Variants in ANLN observed in about 807,000 individuals in gnomAD.
The protein encoded by ANLN is anillin.
Under a neutral mutation model 135.1 loss-of-function variants are expected in ANLN, and 59 were observed. That is an observed-to-expected ratio of 0.44 (90% CI 0.35 to 0.54). The LOEUF is 0.54. Among genes scored for constraint, ANLN ranks in the 20% least tolerant of loss-of-function variants. The probability of loss-of-function intolerance (pLI) is 0.00; values close to 1 mark genes in which losing one functional copy is unlikely to be tolerated. For missense variants in ANLN, 1,182 were observed against 1,340.0 expected (o/e 0.88, Z 1.84); for synonymous variants, 406 against 456.4 (o/e 0.89, Z 1.41).
rs776001499 is a variant in ANLN at position 36,415,775 on chromosome 7, C to T, written c.1413C>T (p.Ser471=). 1.9e-6 allele frequency: 3 copies of T among 1,601,452 alleles called. No homozygotes were observed. The highest frequency in any genetic ancestry group is 1.8e-5 in the Admixed American group (1 of 56,964). ...TTTTGCAGGAAACTCACTGTCAGAG[C>T]ACTCCCCTCAAAAAACACCAAGGTG... The part of the protein sequence containing the change: ...LETKQETHCQ[S]TPLKKHQGVS... Residue 471 remains serine (S), a synonymous_variant, in exon 8 of 24, where the codon AGC becomes AGT. Transcript: ENST00000265748.
At position 36,419,273 on chromosome 7, in the gene ANLN, G is replaced by T; in HGVS notation, c.1663G>T (p.Asp555Tyr). 1.9e-6 allele frequency: 3 copies of T among 1,613,226 alleles called. No individual in the cohort carries two copies. Among genetic ancestry groups the T allele is most frequent in the Non-Finnish European group, 2.5e-6 (3 of 1,179,316 alleles). ...GATACGTGAAATTGAGATGAGTGTG[G>T]ATGATGATGATATCAATAGTTCGAA... is the stretch of plus-strand genomic sequence containing the variant. ...EVIREIEMSV[D>Y]DDDINSSKVI... is the part of the protein sequence containing the mutation. Residue 555 changes from aspartate to tyrosine, a missense_variant, in exon 10 of 24, where the codon GAT becomes TAT. Asp to Tyr is a radical substitution (Grantham distance 160). Around this residue, in one of 3 missense-constraint regions of ANLN, gnomAD observed 1,022 missense variants for 1,134.0 expected, o/e 0.90. Coordinates refer to ENST00000265748, the MANE Select transcript of ANLN (RefSeq NM_018685.5).
intron 22 of ANLN, among the ~76,000 whole-genome samples, chr7:36,447,766 T>G (rs975089771): frequency 6.6e-6 from 1 of 152,182 alleles, no homozygotes; most frequent in Admixed American, 6.5e-5. Context: ...TGGCAGGAGA[T>G]TACATCATGC....
chr7:36,399,213 C>G lies in ANLN; in HGVS notation c.307C>G (p.Pro103Ala), dbSNP rs1786835464. The change falls in exon 3 of 24, where the codon CCT (proline) becomes GCT (alanine). Residue 103 changes from proline to alanine, a missense_variant. This residue lies in a region of ANLN where 1,022 missense variants were observed against 1,134.0 expected (regional missense o/e 0.90). Transcript: ENST00000265748. ...AKSCSPSPVSPQVQPQAADTI... is the reference protein window; with the variant it reads ...AKSCSPSPVSAQVQPQAADTI... The stretch of plus-strand genomic sequence containing the variant: ...ATCTTGTTCTCCAAGTCCTGTGTCT[C>G]CTCAGGTGCAGCCACAAGCAGCAGA... The G allele has an allele frequency of 1.9e-6, 3 of 1,614,130 alleles. No homozygotes were observed. Among genetic ancestry groups the G allele is most frequent in the Non-Finnish European group, 2.5e-6 (3 of 1,180,024 alleles).
At position 36,452,573 on chromosome 7, in the gene ANLN, T is replaced by C; in HGVS notation, c.3348T>C (p.Ala1116=). 1 of 1,614,068 alleles carries C rather than the reference T, an allele frequency of 6.2e-7. No homozygotes were observed. The highest frequency in any genetic ancestry group is 2.2e-5 in the East Asian group (1 of 44,872). The part of the protein sequence containing the change: ...LVDIRLWQPD[A]CYKPIGKP ...ATATTCGCCTCTGGCAACCTGATGCTTGCTACAAACCTATTGGAAAGCCTT... is the reference window on the plus strand; with the variant it reads ...ATATTCGCCTCTGGCAACCTGATGCCTGCTACAAACCTATTGGAAAGCCTT... Residue 1116 remains alanine (A), a synonymous_variant, in exon 24 of 24, where the codon GCT becomes GCC. Coordinates refer to ENST00000265748, the MANE Select transcript of ANLN (RefSeq NM_018685.5).
rs1179286173 is a variant in ANLN, at chr7:36,407,962, G to A, written c.1096+6G>A. The A allele has an allele frequency of 1.2e-6, 2 of 1,601,504 alleles. No homozygotes were observed. Among genetic ancestry groups the A allele is most frequent in the South Asian group, 1.1e-5 (1 of 89,436 alleles). ...AGACAAATCTACGACACCAGGTTAC[G>A]TATTTATAAAAAATTTAGTTATTGC... On this transcript the variant is annotated splice_donor_region_variant and intron_variant, in intron 5 of 23. Transcript: ENST00000265748.
At chr7:36,447,628 G>GT (rs992787988) in intron 22 of ANLN, among the ~76,000 whole-genome samples, 1 of 151,750 alleles carries the variant, frequency 6.6e-6, no homozygotes, top group African/African-American at 2.4e-5. Flanking sequence ...GGGTTTCACC[G>GT]TGTTAGCCAG....
chr7:36,416,905 G>T (rs769378114), intron 8 of ANLN, among the ~76,000 whole-genome samples, 175 bp from the exon 9 acceptor site: 2 of 151,220 alleles, frequency 1.3e-5, no homozygotes, highest in Non-Finnish European at 2.9e-5. Flanking sequence ...AGCATAAATG[G>T]GTTAAGAGAG....
chr7:36,446,404 A>G (rs1788999832), intron 22 of ANLN, among the ~76,000 whole-genome samples: 1 of 152,150 alleles, frequency 6.6e-6, no homozygotes, highest in African/African-American at 2.4e-5. Context: ...CTATGAAGAA[A>G]TACCCAAGAC....
In ANLN at chr7:36,424,599, C is replaced by G; in HGVS notation, c.2652+6C>G. ...ATATTGAAGTTTACAGCTTGGTAAGCTGATAAAGCCTTCTAAAATAATGAA... is the reference window on the plus strand; with the variant it reads ...ATATTGAAGTTTACAGCTTGGTAAGGTGATAAAGCCTTCTAAAATAATGAA... On this transcript the variant is annotated splice_donor_region_variant and intron_variant, in intron 16 of 23. Coordinates refer to ENST00000265748, the MANE Select transcript of ANLN (RefSeq NM_018685.5). 6.3e-7 allele frequency: 1 copy of G among 1,597,956 alleles called. No individual in the cohort carries two copies. The highest frequency in any genetic ancestry group is 8.5e-7 in the Non-Finnish European group (1 of 1,171,732).
chr7:36,430,399 A>G (rs945133745), intron 20 of ANLN, among the ~76,000 whole-genome samples: 3 of 152,132 alleles, frequency 2.0e-5, no homozygotes, highest in Admixed American at 2.0e-4. Flanking sequence ...GGCTATTCAG[A>G]TCTGATTTAA....
At chr7:36,427,497 A>G (rs1788133991) in intron 20 of ANLN, among the ~76,000 whole-genome samples, 1 of 151,904 alleles carries the variant, frequency 6.6e-6, no homozygotes, top group Non-Finnish European at 1.5e-5. Context: ...GACTACAGGC[A>G]CGTGATGCCA....
Position 36,409,171 on chromosome 7 carries a change from A to G in ANLN, c.1096+1215A>G, listed in dbSNP as rs188549755. Among the ~76,000 whole-genome samples, 96 of 152,358 alleles carry G rather than the reference A, an allele frequency of 6.3e-4. No individual in the cohort carries two copies. In the East Asian group the frequency reaches 8.9e-3, roughly 14 times the overall value. ...AAAGACTTAAGCTTAGATAAGAGGCATTCTTTTTAATTGTTCTTGGCTACT... is the reference window on the plus strand; with the variant it reads ...AAAGACTTAAGCTTAGATAAGAGGCGTTCTTTTTAATTGTTCTTGGCTACT... On this transcript the variant is annotated intron_variant, in intron 5 of 23. Transcript: ENST00000265748.
Position 36,426,017 on chromosome 7 carries a change from A to G in ANLN, c.2751A>G (p.Lys917=). 1 of 1,519,446 alleles carries G rather than the reference A, an allele frequency of 6.6e-7. No homozygotes were observed. The highest frequency in any genetic ancestry group is 8.8e-7 in the Non-Finnish European group (1 of 1,133,524). 94.1% of individuals were successfully genotyped at this position (1,519,446 alleles called of 1,614,324 possible). ...CACACCTTTTTTTTTTTTTTTAGAA[A>G]AGCAACATTCATTCTTCAGGTGAGT... is the stretch of plus-strand genomic sequence containing the variant. ...PKRLLTSITT[K]SNIHSSVMAS... Residue 917 remains lysine (K), a splice_region_variant and synonymous_variant, in exon 19 of 24, where the codon AAA becomes AAG. Coordinates refer to ENST00000265748, the MANE Select transcript of ANLN (RefSeq NM_018685.5).
intron 3 of ANLN, among the ~76,000 whole-genome samples, chr7:36,400,543 T>G (rs565684673): frequency 5.9e-5 from 9 of 152,184 alleles, no homozygotes; most frequent in African/African-American, 1.9e-4. Context: ...TTGTATCTTT[T>G]GGTAGAGATG....
At chr7:36,425,971 A>T in intron 18 of ANLN, 44 bp from the exon 19 acceptor site, 1 of 1,432,224 alleles carries the variant, frequency 7.0e-7, no homozygotes, top group Non-Finnish European at 9.5e-7. Context: ...TAAATAAGGG[A>T]AATAACTTAT....
At chr7:36,398,601 A>G (rs1583593440) in intron 2 of ANLN, among the ~76,000 whole-genome samples, 2 of 152,314 alleles carry the variant, frequency 1.3e-5, no homozygotes, top group Non-Finnish European at 2.9e-5. Flanking sequence ...TTTTGAAAAT[A>G]TGATTTAAAT....
intron 20 of ANLN, among the ~76,000 whole-genome samples, chr7:36,427,350 C>T (rs1319287713): frequency 1.3e-5 from 2 of 151,634 alleles, no homozygotes; most frequent in Admixed American, 1.3e-4. Flanking sequence ...TGCCTATTTC[C>T]ATTTCTTTGT....
At chr7:36,432,644 G>T (rs554695617) in intron 20 of ANLN, among the ~76,000 whole-genome samples, 16 of 152,260 alleles carry the variant, frequency 1.1e-4, no homozygotes, top group Admixed American at 3.3e-4. Context: ...CTACCATTTT[G>T]TTATTTGTTT....
At chr7:36,446,792 A>T (rs1212663198) in intron 22 of ANLN, among the ~76,000 whole-genome samples, 1 of 152,206 alleles carries the variant, frequency 6.6e-6, no homozygotes, top group East Asian at 1.9e-4. Flanking sequence ...TCACTGATCC[A>T]CAATGCCATT....
Sources: gnomAD v4.1 joint callset for allele counts (sites outside exome capture counted in the v4.1 genomes callset) on GRCh38, gnomAD v4.1.1 for gene constraint, gnomAD v4.1.1 regional missense constraint, MANE v1.5 for transcripts, NCBI Gene and HGNC (gene_info 2026-07-23, HGNC 2026-07-21) for gene names.